The following TLR7 variants were observed in gnomAD, a reference collection of about 807,000 sequenced individuals.
The protein encoded by TLR7 is toll like receptor 7.
A neutral mutation model predicts 38.3 loss-of-function variants in TLR7; 12 were observed. That is an observed-to-expected ratio of 0.31 (90% confidence interval 0.20 to 0.51). The LOEUF is 0.51. Ranked by LOEUF, TLR7 falls within the 20% of genes least tolerant of loss-of-function variation. The pLI is 0.98. For missense variants in TLR7, 504 were observed against 743.4 expected (o/e 0.68, Z 3.74); for synonymous variants, 285 against 293.8 (o/e 0.97, Z 0.31).
In TLR7 at chrX:12,886,034, A is replaced by C; in HGVS notation, c.526A>C (p.Ile176Leu). Residue 176 changes from isoleucine (I) to leucine (L), a missense_variant, in exon 3 of 3, where the codon ATA becomes CTA. Transcript: ENST00000380659. ...ENLTELANIE[I>L]LYLGQNCYYR... ...TCTAACAGAACTGGCCAACATAGAA[A>C]TACTCTACCTGGGCCAAAACTGTTA... The C allele has an allele frequency of 8.3e-7, 1 of 1,211,548 alleles. No homozygotes were observed. Among genetic ancestry groups the C allele is most frequent in the South Asian group, 1.8e-5 (1 of 56,978 alleles).
Position 12,888,808 on chromosome X carries a change from C to G in TLR7, c.*150C>G, listed in dbSNP as rs200445195. On this transcript the variant is annotated 3_prime_UTR_variant, in exon 3 of 3. Transcript: ENST00000380659. Reference sequence around the variant, plus strand: ...TCAGGGGAGCCACCAACGTCTGTCACAGGAGTTGGAAAGATGGGGTTTATA... The same window carrying G: ...TCAGGGGAGCCACCAACGTCTGTCAGAGGAGTTGGAAAGATGGGGTTTATA... The G allele has an allele frequency of 9.4e-5, 54 of 572,396 alleles. No individual in the cohort carries two copies. In the African/African-American group the frequency reaches 1.1e-3, roughly 11 times the overall value. The allele number at this position is 572,396 out of a possible 1,213,427, so 47.2% of individuals were successfully genotyped here.
At chrX:12,868,935 T>A (rs2042842841) in intron 2 of TLR7, among the ~76,000 whole-genome samples, 2 of 112,190 alleles carry the variant, frequency 1.8e-5, no homozygotes, top group South Asian at 7.4e-4. Context: ...ATAATGGGAA[T>A]GATAGTAATA....
intron 2 of TLR7, among the ~76,000 whole-genome samples, chrX:12,868,683 CTT>C (rs1468103075): frequency 9.0e-6 from 1 of 111,555 alleles, no homozygotes; most frequent in African/African-American, 3.3e-5. Context: ...TATGCCAAAA[CTT>C]AGTCGGAAAA....
chrX:12,888,823 T>C lies in TLR7; in HGVS notation c.*165T>C. 2.0e-6 allele frequency: 1 copy of C among 500,395 alleles called. No homozygotes were observed. Among genetic ancestry groups the C allele is most frequent in the Non-Finnish European group, 3.1e-6 (1 of 317,984 alleles). 41.2% of individuals were successfully genotyped at this position (500,395 alleles called of 1,213,427 possible). On this transcript the variant is annotated 3_prime_UTR_variant, in exon 3 of 3. Transcript: ENST00000380659. Reference sequence around the variant, plus strand: ...ACGTCTGTCACAGGAGTTGGAAAGATGGGGTTTATATAATGCATCAAGTCT... The same window carrying C: ...ACGTCTGTCACAGGAGTTGGAAAGACGGGGTTTATATAATGCATCAAGTCT...
chrX:12,883,295 C>T (rs1325243333), intron 2 of TLR7, among the ~76,000 whole-genome samples: 16 of 112,030 alleles, frequency 1.4e-4, no homozygotes, highest in Admixed American at 1.4e-3. Context: ...CTGAGTGCTC[C>T]TTTTGAGAAA....
Position 12,885,361 on chromosome X carries a change from A to T in TLR7, c.4-151A>T, listed in dbSNP as rs179009. On this transcript the variant is annotated intron_variant, in intron 2 of 2. Coordinates refer to ENST00000380659, the MANE Select transcript of TLR7 (RefSeq NM_016562.4). The stretch of plus-strand genomic sequence containing the variant: ...ATCTCAGTAACTGACAAATACAGTC[A>T]TGGGGTTGGGGATGCTGTTTAGACA... The T allele has an allele frequency of 1.6e-4, 82 of 498,382 alleles. No homozygotes were observed. The African/African-American group carries it at 1.8e-3, about 11-fold the overall frequency. The allele number at this position is 498,382 out of a possible 1,213,427, so 41.1% of individuals were successfully genotyped here. A position where few individuals can be genotyped will look rare whatever the true frequency, so the allele number is the denominator to read the frequency against.
At chrX:12,870,825 CT>C (rs1350720350) in intron 2 of TLR7, among the ~76,000 whole-genome samples, 1 of 112,457 alleles carries the variant, frequency 8.9e-6, no homozygotes, top group Non-Finnish European at 1.9e-5. Flanking sequence ...CGATGGCAAA[CT>C]ATTCAAGGAG....
intron 2 of TLR7, among the ~76,000 whole-genome samples, chrX:12,883,139 C>T (rs1190748511): frequency 4.5e-5 from 5 of 111,987 alleles, no homozygotes; most frequent in Non-Finnish European, 7.5e-5. Flanking sequence ...CCATAGCCAT[C>T]CCTCTATCTT....
chrX:12,883,053 G>A (rs147806968), intron 2 of TLR7, among the ~76,000 whole-genome samples: 262 of 111,743 alleles, frequency 2.3e-3, no homozygotes, highest in Non-Finnish European at 4.2e-3. Flanking sequence ...CATAGCCAGG[G>A]GTTGGGTCCA....
At chrX:12,874,489 CA>C (rs1282040300) in intron 2 of TLR7, among the ~76,000 whole-genome samples, 1 of 111,113 alleles carries the variant, frequency 9.0e-6, no homozygotes, top group African/African-American at 3.3e-5. Context: ...CCTGAGGTTC[CA>C]GGGGGTTATG....
At chrX:12,874,747 AG>A (rs2042864908) in intron 2 of TLR7, among the ~76,000 whole-genome samples, 1 of 112,096 alleles carries the variant, frequency 8.9e-6, no homozygotes, top group Non-Finnish European at 1.9e-5. Context: ...AATAAACACG[AG>A]GAGAAATCAG....
Position 12,886,315 on chromosome X carries a change from T to C in TLR7, c.807T>C (p.Pro269=), listed in dbSNP as rs762676425. ...CTCGTTGTTATAATGCCCCATTTCCTTGTGCGCCGTGTAAAAATAATTCTC... is the reference window on the plus strand; with the variant it reads ...CTCGTTGTTATAATGCCCCATTTCCCTGTGCGCCGTGTAAAAATAATTCTC... The part of the protein sequence containing the change: ...NCPRCYNAPF[P]CAPCKNNSPL... The change falls in exon 3 of 3, where the codon CCT becomes CCC. Residue 269 remains proline (P), a synonymous_variant. Transcript: ENST00000380659. 2 of 1,211,890 alleles carry C rather than the reference T, an allele frequency of 1.7e-6. No individual in the cohort carries two copies. Among genetic ancestry groups the C allele is most frequent in the Non-Finnish European group, 2.2e-6 (2 of 895,410 alleles).
chrX:12,867,599 A>G lies in TLR7; in HGVS notation c.3+18A>G. 1 of 1,201,944 alleles carries G rather than the reference A, an allele frequency of 8.3e-7. No homozygotes were observed. Among genetic ancestry groups the G allele is most frequent in the Non-Finnish European group, 1.1e-6 (1 of 887,390 alleles). ...TAAAAATGGTAAGAACAGCTCAGAG[A>G]ACCTTAAAAAGTGTTATCTGTAATC... is the stretch of plus-strand genomic sequence containing the variant. On this transcript the variant is annotated intron_variant, in intron 2 of 2. Coordinates refer to ENST00000380659, the MANE Select transcript of TLR7 (RefSeq NM_016562.4).
At chrX:12,881,576 A>C (rs1026467895) in intron 2 of TLR7, among the ~76,000 whole-genome samples, 3 of 104,237 alleles carry the variant, frequency 2.9e-5, no homozygotes, top group Non-Finnish European at 4.0e-5. Context: ...ATAAATAATA[A>C]ATAACTGAGT....
chrX:12,881,055 C>T (rs1259704283), intron 2 of TLR7, among the ~76,000 whole-genome samples: 1 of 109,270 alleles, frequency 9.2e-6, no homozygotes, highest in African/African-American at 3.3e-5. Context: ...GGTGAAACCC[C>T]GTCTCTACTA....
chrX:12,876,691 C>T (rs1280524116), intron 2 of TLR7, among the ~76,000 whole-genome samples: 1 of 111,955 alleles, frequency 8.9e-6, no homozygotes, highest in Non-Finnish European at 1.9e-5. Context: ...CTCTATTTTC[C>T]ATTTTAACTA....
At position 12,870,086 on chromosome X, in the gene TLR7, G is replaced by A. The variant is rs372044654; in HGVS notation, c.3+2505G>A. Among the ~76,000 whole-genome samples the A allele has an allele frequency of 7.2e-5, 8 of 110,707 alleles. No homozygotes were observed. In the South Asian group the frequency reaches 3.1e-3, roughly 42 times the overall value. ...ATGCTCACTAAATGTTGGATAATCT[G>A]TGATGATGGTTTACATAAACACATG... is the stretch of plus-strand genomic sequence containing the variant. On this transcript the variant is annotated intron_variant, in intron 2 of 2. Transcript: ENST00000380659.
At chrX:12,883,721 T>G (rs995422866) in intron 2 of TLR7, among the ~76,000 whole-genome samples, 2 of 110,624 alleles carry the variant, frequency 1.8e-5, no homozygotes, top group East Asian at 5.7e-4. Context: ...GGACCAAGGA[T>G]AGAGGGATCT....
Position 12,886,288 on chromosome X carries a change from C to T in TLR7, c.780C>T (p.Cys260=), listed in dbSNP as rs769426552. Residue 260 remains cysteine, a synonymous_variant, in exon 3 of 3, where the codon TGC becomes TGT. Coordinates refer to ENST00000380659, the MANE Select transcript of TLR7 (RefSeq NM_016562.4). ...AAATTCTTGACCTAAGTGGAAATTG[C>T]CCTCGTTGTTATAATGCCCCATTTC... is the stretch of plus-strand genomic sequence containing the variant. ...QLQILDLSGN[C]PRCYNAPFPC... is the part of the protein sequence containing the mutation. The T allele has an allele frequency of 4.1e-6, 5 of 1,211,117 alleles. No homozygotes were observed. Among genetic ancestry groups the T allele is most frequent in the South Asian group, 1.8e-5 (1 of 57,000 alleles).
Sources: gnomAD v4.1 joint callset for allele counts (sites outside exome capture counted in the v4.1 genomes callset) on GRCh38, gnomAD v4.1.1 for gene constraint, MANE v1.5 for transcripts, NCBI Gene and HGNC (gene_info 2026-07-23, HGNC 2026-07-21) for gene names.